Variants in CCDC171 observed in about 807,000 individuals in gnomAD.
CCDC171 encodes the protein coiled-coil domain containing 171.
A neutral mutation model predicts 168.2 loss-of-function variants in CCDC171; 177 were observed. The ratio of observed to expected loss-of-function variants is 1.05; its 90% CI spans 0.93 to 1.19. The LOEUF (loss-of-function observed/expected upper bound fraction) is 1.19. Among genes scored for constraint, CCDC171 ranks in the 50% most tolerant of loss-of-function variants. CCDC171 has a pLI of 0.00. For missense variants in CCDC171, 1,991 were observed against 1,539.0 expected, an observed-to-expected ratio of 1.29 and a Z score of -4.91; for synonymous variants, 687 against 540.8, an observed-to-expected ratio of 1.27 and a Z score of -3.75.
chr9:15,733,722 T>C (rs1244872854), intron 16 of CCDC171, among the ~76,000 whole-genome samples: 1 of 109,696 alleles, frequency 9.1e-6, no homozygotes, highest in Non-Finnish European at 1.9e-5. Flanking sequence ...AACTTCTTTT[T>C]TCATCAATGT....
At chr9:15,968,524 GA>G (rs1446998208) in intron 25 of CCDC171, among the ~76,000 whole-genome samples, 15 of 144,840 alleles carry the variant, frequency 1.0e-4, no homozygotes, top group African/African-American at 3.8e-4. Context: ...AGTTTCACCA[GA>G]ATTGTTGCTG....
At chr9:15,774,246 TAA>T (rs56239417) in intron 18 of CCDC171, among the ~76,000 whole-genome samples, 707 of 37,926 alleles carry the variant, frequency 0.019, 24 homozygotes, top group East Asian at 0.052. Flanking sequence ...ACGCTGTCTT[TAA>T]AAAAAAAAAA....
intron 11 of CCDC171, among the ~76,000 whole-genome samples, chr9:15,707,688 C>T (rs1286230655): frequency 6.6e-6 from 1 of 152,190 alleles, no homozygotes; most frequent in Non-Finnish European, 1.5e-5. Flanking sequence ...TATTCTCCTT[C>T]TCTTTCCTAC....
Position 15,600,175 on chromosome 9 carries a change from G to C in CCDC171, c.675+6003G>C, listed in dbSNP as rs59445161. 7.9e-5 allele frequency among the ~76,000 whole-genome samples: 12 copies of C among 152,300 alleles called. No individual in the cohort carries two copies. The East Asian group carries it at 2.3e-3, about 29-fold the overall frequency. Reference sequence around the variant, plus strand: ...CTCCATCCAGCTTTGGTCTTTTGCTGGTGAGGAGCTGTGTTCCTTTAGAGG... The same window carrying C: ...CTCCATCCAGCTTTGGTCTTTTGCTCGTGAGGAGCTGTGTTCCTTTAGAGG... On this transcript the variant is annotated intron_variant, in intron 6 of 25. Coordinates refer to ENST00000380701, the MANE Select transcript of CCDC171 (RefSeq NM_173550.4).
chr9:16,100,669 G>T, the CCDC171 span, among the ~76,000 whole-genome samples: 9 of 152,178 alleles, frequency 5.9e-5, no homozygotes, highest in African/African-American at 1.7e-4. Context: ...GTAACACTGG[G>T]CTGGCCAGAG....
chr9:16,094,503 C>T, the CCDC171 span, among the ~76,000 whole-genome samples: 1 of 152,014 alleles, frequency 6.6e-6, no homozygotes, highest in Non-Finnish European at 1.5e-5. Context: ...AACCTGATGA[C>T]CAATTTGATG....
chr9:15,568,332 G>A (rs10810400), intron 2 of CCDC171, among the ~76,000 whole-genome samples: 53,861 of 148,420 alleles, frequency 0.36, 12,064 homozygotes, highest in East Asian at 0.62. Context: ...GTGCAGTGGC[G>A]CGATCTTGGC....
intron 7 of CCDC171, among the ~76,000 whole-genome samples, chr9:15,628,577 TG>T (rs1028412935): frequency 1.3e-5 from 2 of 152,262 alleles, no homozygotes; most frequent in African/African-American, 4.8e-5. Flanking sequence ...TGCCTGCCTC[TG>T]TAGGCTCCAC....
intron 3 of CCDC171, among the ~76,000 whole-genome samples, chr9:16,014,156 T>A (rs572355001): frequency 1.3e-5 from 2 of 152,252 alleles, no homozygotes; most frequent in African/African-American, 4.8e-5. Flanking sequence ...ATTAAGTTTA[T>A]GCAATATTCT....
intron 23 of CCDC171, among the ~76,000 whole-genome samples, chr9:15,862,497 C>G (rs1305905344): frequency 6.6e-6 from 1 of 151,882 alleles, no homozygotes; most frequent in Non-Finnish European, 1.5e-5. Flanking sequence ...TTTGAATTCT[C>G]TTTCAGATAA....
intron 3 of CCDC171, among the ~76,000 whole-genome samples, chr9:15,574,391 C>T (rs1008218566): frequency 9.9e-5 from 15 of 152,028 alleles, no homozygotes; most frequent in African/African-American, 2.7e-4. Flanking sequence ...GATCCACCCG[C>T]CTTGGCCTCC....
chr9:16,086,553 G>A, the CCDC171 span, among the ~76,000 whole-genome samples: 14 of 151,960 alleles, frequency 9.2e-5, no homozygotes, highest in Non-Finnish European at 1.6e-4. Context: ...TGATCTGCCC[G>A]CCTCAGCCTC....
Position 15,744,322 on chromosome 9 carries a change from A to T in CCDC171, c.2099A>T (p.Glu700Val). 6.2e-7 allele frequency: 1 copy of T among 1,610,884 alleles called. No homozygotes were observed. The highest frequency in any genetic ancestry group is 8.5e-7 in the Non-Finnish European group (1 of 1,179,178). The change falls in exon 17 of 26, where the codon GAG (glutamate) becomes GTG (valine). Residue 700 changes from glutamate (E) to valine (V), a missense_variant. Glu to Val is a moderately radical substitution (Grantham distance 121, BLOSUM62 -2). Coordinates refer to ENST00000380701, the MANE Select transcript of CCDC171 (RefSeq NM_173550.4). ...AACATGGAAAAATTGAACCATATTG[A>T]GAAGTCACATGAACAGTTGGTTCTT... ...EKNMEKLNHI[E>V]KSHEQLVLEN...
At chr9:15,814,504 T>G (rs915644407) in intron 21 of CCDC171, among the ~76,000 whole-genome samples, 3 of 152,182 alleles carry the variant, frequency 2.0e-5, no homozygotes, top group South Asian at 4.1e-4. Flanking sequence ...ACATTGCTTA[T>G]ATGAATTTTT....
intron 11 of CCDC171, among the ~76,000 whole-genome samples, chr9:15,707,477 C>T (rs1380553114): frequency 1.3e-5 from 2 of 152,202 alleles, no homozygotes; most frequent in Non-Finnish European, 2.9e-5. Flanking sequence ...TAAAGTGAGA[C>T]TATGCCATTT....
chr9:15,599,059 G>C (rs541007929), intron 6 of CCDC171, among the ~76,000 whole-genome samples: 1 of 152,106 alleles, frequency 6.6e-6, no homozygotes, highest in African/African-American at 2.4e-5. Flanking sequence ...TGTGAGATGG[G>C]TCTCCTGAAT....
intron 18 of CCDC171, among the ~76,000 whole-genome samples, chr9:15,771,458 T>G (rs2057007943): frequency 6.6e-6 from 1 of 152,204 alleles, no homozygotes. Context: ...TCTTTTCATT[T>G]GTTATAAGCC....
intron 16 of CCDC171, among the ~76,000 whole-genome samples, chr9:15,736,420 A>G (rs2054497648): frequency 6.6e-6 from 1 of 151,792 alleles, no homozygotes; most frequent in South Asian, 2.1e-4. Context: ...GTGCGATCAT[A>G]GCTCACTGCA....
chr9:15,688,020 G>A (rs1170401881), intron 10 of CCDC171, among the ~76,000 whole-genome samples: 1 of 151,486 alleles, frequency 6.6e-6, no homozygotes, highest in Admixed American at 6.6e-5. Flanking sequence ...TTGGGAGGCT[G>A]AGGCAGGAGA....
Sources: gnomAD v4.1 joint callset for allele counts (sites outside exome capture counted in the v4.1 genomes callset) on GRCh38, gnomAD v4.1.1 for gene constraint, MANE v1.5 for transcripts, NCBI Gene and HGNC (gene_info 2026-07-23, HGNC 2026-07-21) for gene names.